RNF185: variants seen among roughly 807,000 people sequenced by gnomAD.
RNF185 encodes the protein ring finger protein 185.
Under a neutral mutation model 24.9 loss-of-function variants are expected in RNF185, and 13 were observed. The observed-to-expected ratio is 0.52, with a 90% CI of 0.34 to 0.83. The LOEUF (loss-of-function observed/expected upper bound fraction) is 0.83. RNF185 is among the 40% of genes least tolerant of loss of function. The pLI is 0.01. For missense variants in RNF185, 184 were observed against 244.7 expected (o/e 0.75, Z 1.65); for synonymous variants, 79 against 90.3 (o/e 0.88, Z 0.71).
chr22:31,194,358 G>T (rs1430348176), intron 3 of RNF185, among the ~76,000 whole-genome samples: 2 of 152,118 alleles, frequency 1.3e-5, no homozygotes, highest in Non-Finnish European at 2.9e-5. Context: ...TTTAGCATGT[G>T]GTAAGTCACC....
At chr22:31,171,211 C>A (rs2047926179) in intron 1 of RNF185, among the ~76,000 whole-genome samples, 1 of 132,530 alleles carries the variant, frequency 7.5e-6, no homozygotes, top group Non-Finnish European at 1.6e-5. Context: ...GTTTTGTTGC[C>A]CAGGCTGGAG....
intron 1 of RNF185, among the ~76,000 whole-genome samples, chr22:31,171,619 G>A (rs2094420360): frequency 6.6e-6 from 1 of 152,070 alleles, no homozygotes; most frequent in South Asian, 2.1e-4. Context: ...TTTCAAAATG[G>A]TATCATTTTG....
At chr22:31,185,258 C>T (rs1270165146) in intron 1 of RNF185, among the ~76,000 whole-genome samples, 1 of 152,106 alleles carries the variant, frequency 6.6e-6, no homozygotes, top group Non-Finnish European at 1.5e-5. Context: ...GGCCTCCTCT[C>T]TCTGCTCAAG....
At chr22:31,204,377 A>C in intron 6 of RNF185, 112 bp from the exon 7 acceptor site, 1 of 714,032 alleles carries the variant, frequency 1.4e-6, no homozygotes. Context: ...TGTGTGTAGG[A>C]TTCTGATGTT....
intron 1 of RNF185, among the ~76,000 whole-genome samples, chr22:31,174,379 ATT>A (rs11293209): frequency 2.0e-5 from 3 of 150,376 alleles, no homozygotes; most frequent in African/African-American, 4.9e-5. Context: ...TTTAAAAAAA[ATT>A]TTTTTTTTTA....
intron 1 of RNF185, among the ~76,000 whole-genome samples, chr22:31,164,583 CTTTT>C (rs200649012): frequency 4.4e-5 from 4 of 91,728 alleles, no homozygotes; most frequent in Non-Finnish European, 4.2e-5. Context: ...TCCTCATTGT[CTTTT>C]TTTTTTTTTT....
At chr22:31,167,120 T>A (rs1395159076) in intron 1 of RNF185, among the ~76,000 whole-genome samples, 5 of 151,140 alleles carry the variant, frequency 3.3e-5, no homozygotes, top group South Asian at 4.1e-4. Context: ...TTTCTTAAAA[T>A]TTTTTTTATT....
chr22:31,189,843 C>T (rs1418130890), intron 2 of RNF185, among the ~76,000 whole-genome samples: 1 of 152,104 alleles, frequency 6.6e-6, no homozygotes, highest in Non-Finnish European at 1.5e-5. Context: ...ATCTGCCCGC[C>T]TCGGCCTCCC....
At chr22:31,189,494 G>A (rs980865841) in intron 2 of RNF185, among the ~76,000 whole-genome samples, 2 of 151,020 alleles carry the variant, frequency 1.3e-5, no homozygotes, top group Admixed American at 6.6e-5. Flanking sequence ...ATGGGGCTTC[G>A]CCATGCTGGC....
Position 31,187,194 on chromosome 22 carries a change from G to T in RNF185, c.100G>T (p.Asp34Tyr), listed in dbSNP as rs1226848801. Reference protein sequence around the residue: ...SNGAGESGGQDSTFECNICLD... With the variant: ...SNGAGESGGQYSTFECNICLD... The stretch of plus-strand genomic sequence containing the variant: ...TGGCGCTGGCGAGAGCGGAGGGCAG[G>T]ACAGCACTTTCGAGTGCAACATCTG... Residue 34 changes from aspartate to tyrosine, a missense_variant, in exon 2 of 7, where the codon GAC becomes TAC. Transcript: ENST00000326132. The T allele has an allele frequency of 1.2e-6, 2 of 1,613,968 alleles. No homozygotes were observed. Among genetic ancestry groups the T allele is most frequent in the East Asian group, 2.2e-5 (1 of 44,886 alleles).
At chr22:31,184,354 G>T (rs1166350585) in intron 1 of RNF185, among the ~76,000 whole-genome samples, 2 of 151,900 alleles carry the variant, frequency 1.3e-5, no homozygotes, top group Non-Finnish European at 2.9e-5. Flanking sequence ...CATCCCAGAG[G>T]ATGGGCGGCC....
At chr22:31,181,675 T>C (rs1214193798) in intron 1 of RNF185, among the ~76,000 whole-genome samples, 3 of 152,054 alleles carry the variant, frequency 2.0e-5, no homozygotes, top group African/African-American at 7.2e-5. Flanking sequence ...TATGCAGCCA[T>C]AAAAAATGAT....
chr22:31,203,891 A>G (rs1218677065), intron 6 of RNF185, among the ~76,000 whole-genome samples: 1 of 151,740 alleles, frequency 6.6e-6, no homozygotes, highest in African/African-American at 2.4e-5. Context: ...CAAAAAAAAA[A>G]TTAGCCGGGT....
chr22:31,204,847 T>C lies in RNF185; in HGVS notation c.*261T>C. 2.5e-6 allele frequency: 1 copy of C among 394,440 alleles called. No individual in the cohort carries two copies. The highest frequency in any genetic ancestry group is 3.5e-5 in the Admixed American group (1 of 28,802). The allele number at this position is 394,440 out of a possible 1,614,324, so 24.4% of individuals were successfully genotyped here. ...CTCTCATGGGTGACACCATGAAATC[T>C]TGTTTCAGCCAGTTCTGCAGGTCCT... On this transcript the variant is annotated 3_prime_UTR_variant, in exon 7 of 7. Transcript: ENST00000326132.
At chr22:31,166,122 C>G (rs1487166367) in intron 1 of RNF185, among the ~76,000 whole-genome samples, 1 of 152,072 alleles carries the variant, frequency 6.6e-6, no homozygotes, top group Non-Finnish European at 1.5e-5. Flanking sequence ...TCCTGAGTAG[C>G]TAGAATTACA....
At chr22:31,168,436 TTGTA>T (rs1326406329) in intron 1 of RNF185, among the ~76,000 whole-genome samples, 1 of 152,232 alleles carries the variant, frequency 6.6e-6, no homozygotes, top group African/African-American at 2.4e-5. Flanking sequence ...TGATTTTCCG[TTGTA>T]TGTATTTTGC....
chr22:31,195,527 G>C lies in RNF185; in HGVS notation c.254G>C (p.Arg85Pro). The C allele has an allele frequency of 6.2e-6, 10 of 1,611,674 alleles. No homozygotes were observed. The highest frequency in any genetic ancestry group is 1.3e-5 in the African/African-American group (1 of 74,970). ...CCTGTTTGCAAAGCTGGCATCAGCC[G>C]AGACAAGGTCATCCCCCTCTATGGA... ...VCPVCKAGIS[R>P]DKVIPLYGRG... The change falls in exon 4 of 7, where the codon CGA (arginine) becomes CCA (proline). Residue 85 changes from arginine (R) to proline (P), a missense_variant. Transcript: ENST00000326132.
At chr22:31,183,237 G>T (rs1179312357) in intron 1 of RNF185, among the ~76,000 whole-genome samples, 2 of 152,048 alleles carry the variant, frequency 1.3e-5, no homozygotes, top group Non-Finnish European at 2.9e-5. Context: ...ATTCATTTTA[G>T]ATGCTTGATC....
Position 31,193,798 on chromosome 22 carries a change from AAAAAAACC to A in RNF185, c.195+1105_195+1112del, listed in dbSNP as rs530812309. The stretch of plus-strand genomic sequence containing the variant: ...GACATAGTGAGACTCTGTTTCGAGA[AAAAAAACC>A]AAAAAACCGAAAAAAAAATCAAAAA... On this transcript the variant is annotated intron_variant, in intron 3 of 6. Coordinates refer to ENST00000326132, the MANE Select transcript of RNF185 (RefSeq NM_152267.4). Among the ~76,000 whole-genome samples, 409 of 61,518 alleles carry A rather than the reference AAAAAAACC, an allele frequency of 6.6e-3. 1 individual carries two copies. Among genetic ancestry groups the A allele is most frequent in the Middle Eastern group, 9.6e-3 (1 of 104 alleles). 40.4% of individuals were successfully genotyped at this position (61,518 alleles called of 152,430 possible). A position where few individuals can be genotyped will look rare whatever the true frequency, so the allele number is the denominator to read the frequency against.
Sources: allele counts gnomAD v4.1 joint callset (sites outside exome capture counted in the v4.1 genomes callset), GRCh38; gene constraint gnomAD v4.1.1; transcripts MANE v1.5; gene names NCBI Gene and HGNC (gene_info 2026-07-23, HGNC 2026-07-21).